ZC3H13: variants seen among roughly 807,000 people sequenced by gnomAD.
ZC3H13 encodes zinc finger CCCH-type containing 13.
Under a neutral mutation model 204.1 loss-of-function variants are expected in ZC3H13, and 64 were observed. The observed-to-expected ratio is 0.31, with a 90% CI of 0.26 to 0.39. The LOEUF is 0.39. Among genes scored for constraint, ZC3H13 ranks in the 10% least tolerant of loss-of-function variants. ZC3H13 has a pLI of 1.00. For missense variants in ZC3H13, 1,833 were observed against 2,082.7 expected (o/e 0.88, Z 2.33); for synonymous variants, 667 against 693.7 (o/e 0.96, Z 0.60).
chr13:45,973,042 C>T (rs1952715662), intron 12 of ZC3H13, among the ~76,000 whole-genome samples: 1 of 152,326 alleles, frequency 6.6e-6, no homozygotes, highest in African/African-American at 2.4e-5. Flanking sequence ...ACCAACAGAA[C>T]AACCACTCTA....
At chr13:46,038,180 C>CCG (rs1566347287) in intron 4 of ZC3H13, among the ~76,000 whole-genome samples, 1 of 64,154 alleles carries the variant, frequency 1.6e-5, no homozygotes, top group Non-Finnish European at 2.9e-5. Flanking sequence ...CATCTCACGT[C>CCG]CACGTTATCA....
chr13:46,051,798 G>A (rs2044443895), intron 1 of ZC3H13: 1 of 152,036 alleles, frequency 6.6e-6, no homozygotes, highest in South Asian at 2.1e-4. Flanking sequence ...CATAATTCAA[G>A]TATTATCAAC....
chr13:45,975,781 T>C lies in ZC3H13; in HGVS notation c.1970A>G (p.Asp657Gly). 1 of 1,613,990 alleles carries C rather than the reference T, an allele frequency of 6.2e-7. No homozygotes were observed. The highest frequency in any genetic ancestry group is 1.1e-5 in the South Asian group (1 of 91,070). ...TACTCTTCGTTCCTCTCTTCTTTCA[T>C]CACGCTCAAGCTCGTCATTCCTTCC... ...HQGRNDELERDERREERRVDR... is the reference protein window; with the variant it reads ...HQGRNDELERGERREERRVDR... Residue 657 changes from aspartate (D) to glycine (G), a missense_variant, in exon 12 of 19, where the codon GAT (aspartate) becomes GGT (glycine). Transcript: ENST00000679008.
chr13:45,991,383 G>C (rs2039960239), intron 8 of ZC3H13, among the ~76,000 whole-genome samples: 1 of 152,170 alleles, frequency 6.6e-6, no homozygotes, highest in South Asian at 2.1e-4. Flanking sequence ...ATTAAGGTCA[G>C]AACACTAATG....
At position 45,967,856 on chromosome 13, in the gene ZC3H13, C is replaced by T; in HGVS notation, c.3969G>A (p.Trp1323Ter). 6.2e-7 allele frequency: 1 copy of T among 1,613,910 alleles called. No individual in the cohort carries two copies. Among genetic ancestry groups the T allele is most frequent in the East Asian group, 2.2e-5 (1 of 44,860 alleles). The change falls in exon 15 of 19, where the codon TGG becomes TGA. Residue 1323 changes from tryptophan (W) to a stop codon, truncating the protein, a stop_gained. Coordinates refer to ENST00000679008, the MANE Select transcript of ZC3H13 (RefSeq NM_001330564.2). LOFTEE classifies it high-confidence loss of function. Reference sequence around the variant, plus strand: ...GCCAATCTTTATCAGCATCTCGGTCCCATTCTCTCTGCCTCGTATCTCTCC... The same window carrying T: ...GCCAATCTTTATCAGCATCTCGGTCTCATTCTCTCTGCCTCGTATCTCTCC... ...RERRDTRQRE[W>*]DRDADKDWPR...
intron 17 of ZC3H13, among the ~76,000 whole-genome samples, chr13:45,961,873 GAAAATTA>G (rs1306196809): frequency 2.6e-5 from 4 of 151,608 alleles, no homozygotes; most frequent in African/African-American, 4.8e-5. Context: ...AAGTACCCAT[GAAAATTA>G]AAAATTAAAA....
In ZC3H13 at chr13:45,970,407, C is replaced by G; in HGVS notation, c.2527G>C (p.Glu843Gln). 1 of 1,613,968 alleles carries G rather than the reference C, an allele frequency of 6.2e-7. No homozygotes were observed. The highest frequency in any genetic ancestry group is 1.1e-5 in the South Asian group (1 of 91,072). The change falls in exon 13 of 19, where the codon GAA (glutamate) becomes CAA (glutamine). Residue 843 changes from glutamate to glutamine, a missense_variant. This residue lies in a region of ZC3H13 where 1,574 missense variants were observed against 1,757.2 expected (regional missense o/e 0.90). Transcript: ENST00000679008. ...TAGGCATCACTGTCCGGAGAATGTT[C>G]ACGCCGGCGCTTCGGGGACTGTCTA... The part of the protein sequence containing the change: ...SPRQSPKRRR[E>Q]HSPDSDAYNS...
At chr13:45,991,857 G>C (rs1593572687) in intron 8 of ZC3H13, among the ~76,000 whole-genome samples, 1 of 152,054 alleles carries the variant, frequency 6.6e-6, no homozygotes, top group East Asian at 1.9e-4. Context: ...TGTGGAATGA[G>C]AATATTCAGG....
chr13:46,000,453 G>T (rs567543442), intron 8 of ZC3H13, among the ~76,000 whole-genome samples: 2 of 152,146 alleles, frequency 1.3e-5, no homozygotes, highest in Admixed American at 1.3e-4. Context: ...GGCTTCATTC[G>T]TTAAATGTCA....
intron 5 of ZC3H13, among the ~76,000 whole-genome samples, chr13:46,014,316 T>A (rs1456214594): frequency 6.6e-6 from 1 of 152,122 alleles, no homozygotes; most frequent in East Asian, 1.9e-4. Context: ...AAGCCCTGCA[T>A]GCATTAAGTA....
At position 46,020,521 on chromosome 13, in the gene ZC3H13, C is replaced by T; in HGVS notation, c.376G>A (p.Asp126Asn). ...GTTCTTTCCTTAGTGATTTTTATGT[C>T]TTCCTTTTCCCTATGTCTCCCTCTT... ...SSRGRHREKE[D>N]IKITKERTPE... is the part of the protein sequence containing the mutation. The change falls in exon 5 of 19, where the codon GAC (aspartate) becomes AAC (asparagine). Residue 126 changes from aspartate to asparagine, a missense_variant. Asp to Asn is a conservative substitution (Grantham distance 23). Around this residue, in one of 5 missense-constraint regions of ZC3H13, gnomAD observed 1,574 missense variants for 1,757.2 expected, o/e 0.90. Coordinates refer to ENST00000679008, the MANE Select transcript of ZC3H13 (RefSeq NM_001330564.2). The T allele has an allele frequency of 1.2e-6, 2 of 1,611,280 alleles. No individual in the cohort carries two copies. Among genetic ancestry groups the T allele is most frequent in the East Asian group, 2.2e-5 (1 of 44,688 alleles).
chr13:45,989,496 T>C (rs1456911235), intron 8 of ZC3H13, among the ~76,000 whole-genome samples: 1 of 152,150 alleles, frequency 6.6e-6, no homozygotes, highest in African/African-American at 2.4e-5. Flanking sequence ...AGAAAGTGGC[T>C]TTGAGAATGC....
intron 8 of ZC3H13, among the ~76,000 whole-genome samples, chr13:45,994,839 T>C (rs1219109315): frequency 1.3e-5 from 2 of 151,966 alleles, no homozygotes; most frequent in Admixed American, 6.6e-5. Context: ...TAATCCAGTT[T>C]TGGAAGAGGA....
intron 10 of ZC3H13, 134 bp from the exon 11 acceptor site, chr13:45,980,138 A>C (rs1348006589): frequency 1.3e-6 from 1 of 763,772 alleles, no homozygotes; most frequent in Non-Finnish European, 1.9e-6. Context: ...CACTCCTGAA[A>C]AGAGTATCAA....
chr13:46,025,997 T>C (rs577751499), intron 4 of ZC3H13, among the ~76,000 whole-genome samples: 8 of 152,190 alleles, frequency 5.3e-5, no homozygotes, highest in African/African-American at 1.7e-4. Flanking sequence ...TTTTAGAATA[T>C]ATATACCTAA....
Position 45,957,081 on chromosome 13 carries a change from C to G in ZC3H13, c.*46G>C. ...AAAGAACTTTGCAAAAGAATATGCACTGCTGAAGGAAGACAGTACCAAAAA... is the reference window on the plus strand; with the variant it reads ...AAAGAACTTTGCAAAAGAATATGCAGTGCTGAAGGAAGACAGTACCAAAAA... On this transcript the variant is annotated 3_prime_UTR_variant, in exon 19 of 19. Coordinates refer to ENST00000679008, the MANE Select transcript of ZC3H13 (RefSeq NM_001330564.2). The G allele has an allele frequency of 7.4e-7, 1 of 1,347,048 alleles. No individual in the cohort carries two copies. The highest frequency in any genetic ancestry group is 9.7e-7 in the Non-Finnish European group (1 of 1,035,872). 83.4% of individuals were successfully genotyped at this position (1,347,048 alleles called of 1,614,324 possible). A position where few individuals can be genotyped will look rare whatever the true frequency, so the allele number is the denominator to read the frequency against.
intron 3 of ZC3H13, among the ~76,000 whole-genome samples, chr13:46,042,951 A>G (rs1271844095): frequency 6.6e-6 from 1 of 152,028 alleles, no homozygotes; most frequent in Non-Finnish European, 1.5e-5. Flanking sequence ...TTTTTTAACT[A>G]AAGGAAAAAT....
chr13:46,045,269 T>C (rs1181366089), intron 2 of ZC3H13, 122 bp downstream of exon 2: 2 of 1,041,746 alleles, frequency 1.9e-6, no homozygotes, highest in Non-Finnish European at 1.4e-6. Context: ...AAACACACTT[T>C]AAAAAATTTA....
chr13:46,018,252 T>C (rs2042028421), intron 5 of ZC3H13, among the ~76,000 whole-genome samples: 1 of 152,170 alleles, frequency 6.6e-6, no homozygotes, highest in Non-Finnish European at 1.5e-5. Flanking sequence ...AGGTCATTAG[T>C]GACTTTGAAA....
Sources: allele counts gnomAD v4.1 joint callset (sites outside exome capture counted in the v4.1 genomes callset), GRCh38; gene constraint gnomAD v4.1.1; regional missense constraint gnomAD v4.1.1; transcripts MANE v1.5; gene names NCBI Gene and HGNC (gene_info 2026-07-23, HGNC 2026-07-21).